Variants in ERBB4 observed in about 807,000 individuals in gnomAD.
ERBB4 encodes erb-b2 receptor tyrosine kinase 4.
ERBB4 carries 42 observed loss-of-function variants against 158.0 expected under a neutral mutation model. That is an observed-to-expected ratio of 0.27 (90% CI 0.21 to 0.34). The LOEUF is 0.34. Ranked by LOEUF, ERBB4 falls within the 10% of genes least tolerant of loss-of-function variation. The pLI is 1.00. For missense variants in ERBB4, 1,333 were observed against 1,624.1 expected, an observed-to-expected ratio of 0.82 and a Z score of 3.08; for synonymous variants, 583 against 558.7, an observed-to-expected ratio of 1.04 and a Z score of -0.61.
At chr2:212,382,611 T>G (rs73060361) in intron 1 of ERBB4, among the ~76,000 whole-genome samples, 3,549 of 151,066 alleles carry the variant, frequency 0.023, 128 homozygotes, top group African/African-American at 0.08. Context: ...TTCATGAAAA[T>G]GAAAATACTT....
rs367642165 is a variant in ERBB4 at position 212,125,204 on chromosome 2, T to G, written c.83-301A>C. 23 of 231,076 alleles carry G rather than the reference T, an allele frequency of 1.0e-4. No homozygotes were observed. In the East Asian group the frequency reaches 1.4e-3, roughly 14 times the overall value. 14.3% of individuals were successfully genotyped at this position (231,076 alleles called of 1,614,324 possible). Reference sequence around the variant, plus strand: ...TATAAAGCAAGTAAATACATTTACTTTTATTTAAACATTTTTTTTTTTAGG... The same window carrying G: ...TATAAAGCAAGTAAATACATTTACTGTTATTTAAACATTTTTTTTTTTAGG... On this transcript the variant is annotated intron_variant, in intron 1 of 27. Coordinates refer to ENST00000342788, the MANE Select transcript of ERBB4 (RefSeq NM_005235.3).
chr2:212,277,729 A>G (rs1482760622), intron 1 of ERBB4, among the ~76,000 whole-genome samples: 2 of 151,700 alleles, frequency 1.3e-5, no homozygotes, highest in East Asian at 3.9e-4. Context: ...CTGGACTCTA[A>G]GATTCCCTTT....
chr2:212,081,663 T>C (rs1160780192), intron 2 of ERBB4, among the ~76,000 whole-genome samples: 2 of 152,152 alleles, frequency 1.3e-5, no homozygotes, highest in African/African-American at 4.8e-5. Context: ...TTCATTCTCC[T>C]GTTTCTAACA....
chr2:211,471,212 G>A (rs1472424284), intron 20 of ERBB4, among the ~76,000 whole-genome samples: 2 of 152,062 alleles, frequency 1.3e-5, no homozygotes, highest in African/African-American at 4.8e-5. Flanking sequence ...CAAAGAGCAT[G>A]GAGGCACCAG....
intron 20 of ERBB4, among the ~76,000 whole-genome samples, chr2:211,504,259 G>C (rs924834774): frequency 6.6e-6 from 1 of 152,076 alleles, no homozygotes; most frequent in Non-Finnish European, 1.5e-5. Flanking sequence ...ACTAGACAGT[G>C]AGCCAGATAA....
chr2:211,859,642 A>G (rs2077962432), intron 3 of ERBB4, among the ~76,000 whole-genome samples: 1 of 152,162 alleles, frequency 6.6e-6, no homozygotes, highest in Non-Finnish European at 1.5e-5. Context: ...TTTGTAGTGA[A>G]ACAATTCCCT....
intron 11 of ERBB4, among the ~76,000 whole-genome samples, chr2:211,703,279 A>T (rs2073318769): frequency 6.6e-6 from 1 of 152,182 alleles, no homozygotes; most frequent in Non-Finnish European, 1.5e-5. Context: ...GGATAGTAAA[A>T]GTTGTTTATA....
At chr2:212,458,301 A>G (rs189714905) in intron 1 of ERBB4, among the ~76,000 whole-genome samples, 59 of 152,206 alleles carry the variant, frequency 3.9e-4, no homozygotes, top group African/African-American at 1.3e-3. Context: ...GGAATCAGGA[A>G]AAAAATGGTA....
At chr2:212,473,761 T>G (rs1330634998) in intron 1 of ERBB4, among the ~76,000 whole-genome samples, 1 of 152,076 alleles carries the variant, frequency 6.6e-6, no homozygotes, top group Non-Finnish European at 1.5e-5. Flanking sequence ...TCTTCATTTA[T>G]TTCATATTTT....
rs372192010 is a variant in ERBB4, at chr2:211,853,188, T to C, written c.422-65029A>G. Among the ~76,000 whole-genome samples, 21 of 152,118 alleles carry C rather than the reference T, an allele frequency of 1.4e-4. No individual in the cohort carries two copies. In the East Asian group the frequency reaches 3.1e-3, roughly 22 times the overall value. On this transcript the variant is annotated intron_variant, in intron 3 of 27. Transcript: ENST00000342788. ...TATGGTTTTAGGCTGGAAATAGAGA[T>C]CAGATTCTTGCATAATTGTGTGAAA... is the stretch of plus-strand genomic sequence containing the variant.
chr2:212,066,052 T>C (rs1357136369), intron 2 of ERBB4, among the ~76,000 whole-genome samples: 1 of 152,010 alleles, frequency 6.6e-6, no homozygotes, highest in African/African-American at 2.4e-5. Flanking sequence ...AAGTGACTGC[T>C]GGACAGTTTT....
At chr2:212,426,824 G>A (rs775396797) in intron 1 of ERBB4, among the ~76,000 whole-genome samples, 2 of 152,020 alleles carry the variant, frequency 1.3e-5, no homozygotes, top group Non-Finnish European at 2.9e-5. Context: ...AAGTAAATGT[G>A]AGACAGAGGG....
intron 4 of ERBB4, among the ~76,000 whole-genome samples, chr2:211,763,214 A>C (rs890982128): frequency 6.6e-6 from 1 of 152,190 alleles, no homozygotes; most frequent in Admixed American, 6.5e-5. Flanking sequence ...TTAAGGAGAA[A>C]TGTTTGGGTT....
intron 1 of ERBB4, among the ~76,000 whole-genome samples, chr2:212,152,347 G>A (rs556464377): frequency 6.6e-6 from 1 of 152,184 alleles, no homozygotes; most frequent in East Asian, 1.9e-4. Context: ...AAGTAGTTGG[G>A]CATATTTAAT....
intron 2 of ERBB4, among the ~76,000 whole-genome samples, chr2:212,105,322 T>G (rs1172195171): frequency 6.6e-6 from 1 of 152,220 alleles, no homozygotes; most frequent in African/African-American, 2.4e-5. Flanking sequence ...TTTAGATATG[T>G]AGAAAATAGT....
rs898945823 is a variant in ERBB4, at chr2:211,746,761, C to T, written c.622+3878G>A. 2.1e-5 allele frequency among the ~76,000 whole-genome samples: 3 copies of T among 144,600 alleles called. No individual in the cohort carries two copies. The Admixed American group carries it at 2.2e-4, about 10-fold the overall frequency. 94.9% of individuals were successfully genotyped at this position (144,600 alleles called of 152,430 possible). On this transcript the variant is annotated intron_variant, in intron 5 of 27. Coordinates refer to ENST00000342788, the MANE Select transcript of ERBB4 (RefSeq NM_005235.3). The stretch of plus-strand genomic sequence containing the variant: ...AGGAGAATTGCTTGAACCCGGGAGG[C>T]GGAGGTTGCACGGAGCCGAGATCGC...
intron 1 of ERBB4, among the ~76,000 whole-genome samples, chr2:212,180,320 T>A (rs878977434): frequency 6.6e-6 from 1 of 151,608 alleles, no homozygotes; most frequent in East Asian, 1.9e-4. Context: ...CTTGGACAGA[T>A]AGCTGGTAAG....
At chr2:212,149,962 T>C (rs1347416368) in intron 1 of ERBB4, among the ~76,000 whole-genome samples, 1 of 152,146 alleles carries the variant, frequency 6.6e-6, no homozygotes, top group Admixed American at 6.6e-5. Context: ...TTAACTCCAG[T>C]ATCTAAAGGA....
chr2:211,734,805 C>A (rs2106163016), intron 5 of ERBB4, among the ~76,000 whole-genome samples: 1 of 149,544 alleles, frequency 6.7e-6, no homozygotes, highest in African/African-American at 2.5e-5. Context: ...CCTGTAGTAC[C>A]AGCTACTCGG....
Sources: gnomAD v4.1 joint callset for allele counts (sites outside exome capture counted in the v4.1 genomes callset) on GRCh38, gnomAD v4.1.1 for gene constraint, MANE v1.5 for transcripts, NCBI Gene and HGNC (gene_info 2026-07-23, HGNC 2026-07-21) for gene names.